MACF1: variants seen among roughly 807,000 people sequenced by gnomAD.
MACF1 encodes the protein microtubule-actin cross-linking factor 1.
In MACF1, 193 loss-of-function variants were observed where a neutral mutation model predicts 854.8. That is an observed-to-expected ratio of 0.23 (90% CI 0.20 to 0.25). The LOEUF (loss-of-function observed/expected upper bound fraction) is 0.25, where lower values mean the gene tolerates loss of function less well. MACF1 is among the 10% of genes least tolerant of loss of function. The probability of loss-of-function intolerance (pLI) is 1.00; values close to 1 mark genes in which losing one functional copy is unlikely to be tolerated. For missense variants in MACF1, 7,722 were observed against 8,929.1 expected (o/e 0.86, Z 5.45); for synonymous variants, 3,185 against 3,226.7 (o/e 0.99, Z 0.44).
In MACF1 at chr1:39,332,237, A is replaced by G. The variant is rs141017378; in HGVS notation, c.5649A>G (p.Arg1883=). 9.3e-6 allele frequency: 15 copies of G among 1,613,956 alleles called. No homozygotes were observed. The African/African-American group carries it at 1.1e-4, about 11-fold the overall frequency. ...TELAHKILSN[R]QHIKALFLPA... ...TAGCACATAAAATCCTTAGTAACCG[A>G]CAGCATATTAAGGCTCTGTTTCTAC... The change falls in exon 37 of 101, where the codon CGA becomes CGG. Residue 1883 remains arginine (R), a synonymous_variant. Coordinates refer to ENST00000564288, the MANE Select transcript of MACF1 (RefSeq NM_001394062.1).
chr1:39,427,359 T>A, intron 61 of MACF1, 96 bp from the exon 62 acceptor site: 3 of 1,059,644 alleles, frequency 2.8e-6, no homozygotes, highest in Non-Finnish European at 4.2e-6. Flanking sequence ...ATTTAAACTA[T>A]ACCTGGAAAA....
chr1:39,178,435 CT>C (rs1399983350), intron 2 of MACF1, among the ~76,000 whole-genome samples: 1 of 152,084 alleles, frequency 6.6e-6, no homozygotes, highest in Non-Finnish European at 1.5e-5. Context: ...TTTCCTTTGT[CT>C]TTTTGTCCTA....
chr1:39,414,409 G>A (rs746582812), intron 58 of MACF1: 92 of 1,613,866 alleles, frequency 5.7e-5, no homozygotes, highest in Non-Finnish European at 7.5e-5. Context: ...TGGCATAAAA[G>A]AGGTGACCAG....
At chr1:39,186,282 T>A (rs1324271914) in intron 2 of MACF1, among the ~76,000 whole-genome samples, 2 of 148,950 alleles carry the variant, frequency 1.3e-5, no homozygotes, top group Non-Finnish European at 3.0e-5. Flanking sequence ...TTTTTTTTTT[T>A]AATTTGAGAC....
At chr1:39,232,769 G>T (rs796155705) in intron 2 of MACF1, among the ~76,000 whole-genome samples, 2,994 of 95,198 alleles carry the variant, frequency 0.031, 54 homozygotes, top group Middle Eastern at 0.05. Context: ...TTTTTTTTTT[G>T]TTTGTTTGTT....
At chr1:39,298,106 A>C (rs1645962271) in intron 21 of MACF1, among the ~76,000 whole-genome samples, 2 of 151,704 alleles carry the variant, frequency 1.3e-5, no homozygotes. Flanking sequence ...GGATTAGTTG[A>C]TATCAAATTC....
At position 39,105,955 on chromosome 1, in the gene MACF1, A is replaced by G. The variant is rs260962; in HGVS notation, c.220+21517A>G. ...GAGCGCCAGTTACATGATTTGCCCT[A>G]TTATCCGGCCCCAGCTGGAAGAAGG... On this transcript the variant is annotated intron_variant, in intron 2 of 93. Coordinates refer to the MACF1 transcript ENST00000361689. This position sits in a 1 kb window ranked among gnomAD's most constrained non-coding sequence, Gnocchi z 5.9. Among the ~76,000 whole-genome samples the G allele has an allele frequency of 0.013, 1,920 of 152,242 alleles. 19 individuals are homozygous for G. The highest frequency in any genetic ancestry group is 0.019 in the Non-Finnish European group (1,286 of 68,002).
At chr1:39,293,157 T>C (rs982918391) in intron 17 of MACF1, among the ~76,000 whole-genome samples, 1 of 152,224 alleles carries the variant, frequency 6.6e-6, no homozygotes, top group Non-Finnish European at 1.5e-5. Flanking sequence ...GAGGGGACTT[T>C]CCCTCTGATC....
chr1:39,096,528 G>A (rs1385097669), intron 2 of MACF1, among the ~76,000 whole-genome samples: 1 of 151,162 alleles, frequency 6.6e-6, no homozygotes, highest in Non-Finnish European at 1.5e-5. Flanking sequence ...GGCAGAGGTC[G>A]TAGTGAGTCG....
intron 66 of MACF1, among the ~76,000 whole-genome samples, chr1:39,431,736 G>A (rs1383671758): frequency 6.6e-6 from 1 of 152,194 alleles, no homozygotes; most frequent in African/African-American, 2.4e-5. Context: ...CACTTTGGGA[G>A]GCTAAGGCAG....
At chr1:39,309,441 A>T (rs1016222548) in intron 23 of MACF1, 129 bp from the exon 24 acceptor site, 9 of 1,066,436 alleles carry the variant, frequency 8.4e-6, no homozygotes, top group Non-Finnish European at 1.1e-5. Flanking sequence ...CTAGTATTTG[A>T]CTTGTTGCCT....
intron 58 of MACF1, among the ~76,000 whole-genome samples, chr1:39,393,209 A>ATT: frequency 1.4e-5 from 2 of 139,014 alleles, no homozygotes; most frequent in Non-Finnish European, 1.5e-5. Flanking sequence ...ATATATATAT[A>ATT]TATATATATA....
At chr1:39,479,413 A>G (rs1396793125) in intron 97 of MACF1, among the ~76,000 whole-genome samples, 1 of 152,222 alleles carries the variant, frequency 6.6e-6, no homozygotes, top group Non-Finnish European at 1.5e-5. Context: ...GCAAAAATTA[A>G]GCAAAAAGTA....
intron 58 of MACF1, chr1:39,412,357 C>CT: frequency 1.2e-6 from 2 of 1,614,034 alleles, no homozygotes; most frequent in Non-Finnish European, 1.7e-6. Context: ...AAATAACAGT[C>CT]TGACATCAAT....
chr1:39,472,840 A>G (rs1471519973), intron 97 of MACF1, among the ~76,000 whole-genome samples: 1 of 152,356 alleles, frequency 6.6e-6, no homozygotes, highest in South Asian at 2.1e-4. Flanking sequence ...TAAAGCCCCA[A>G]TTAAAGTAAG....
chr1:39,089,648 G>A (rs554892572), intron 2 of MACF1, among the ~76,000 whole-genome samples: 66 of 152,126 alleles, frequency 4.3e-4, no homozygotes, highest in Admixed American at 1.2e-3. Context: ...GGGCCCATGT[G>A]TCTCTCCTCC....
intron 70 of MACF1, chr1:39,436,584 A>C (rs997185641): frequency 2.5e-6 from 3 of 1,182,726 alleles, no homozygotes; most frequent in Non-Finnish European, 3.8e-6. Flanking sequence ...ACTTTAGTGG[A>C]ATAAATTTAA....
At chr1:39,416,565 T>G (rs1643320424) in intron 58 of MACF1, among the ~76,000 whole-genome samples, 1 of 152,090 alleles carries the variant, frequency 6.6e-6, no homozygotes, top group African/African-American at 2.4e-5. Flanking sequence ...AGGATTAAAT[T>G]TATAGTGAGG....
intron 58 of MACF1, among the ~76,000 whole-genome samples, chr1:39,408,585 C>T (rs1237978614): frequency 1.3e-5 from 2 of 151,256 alleles, no homozygotes; most frequent in East Asian, 3.9e-4. Context: ...GGCGCCCTTT[C>T]TGGATTCGTT....
Sources: gnomAD v4.1 joint callset for allele counts (sites outside exome capture counted in the v4.1 genomes callset) on GRCh38, gnomAD v4.1.1 for gene constraint, Gnocchi (gnomAD v3.1) non-coding constraint, MANE v1.5 for transcripts, NCBI Gene and HGNC (gene_info 2026-07-23, HGNC 2026-07-21) for gene names.